The following PARD6G variants were observed in gnomAD, a reference collection of about 807,000 sequenced individuals.
The protein encoded by PARD6G is par-6 family cell polarity regulator gamma, also known as partitioning defective 6 homolog gamma.
In PARD6G, 7 loss-of-function variants were observed where a neutral mutation model predicts 10.7. That is an observed-to-expected ratio of 0.66 (90% CI 0.37 to 1.23). The LOEUF (loss-of-function observed/expected upper bound fraction) is 1.23, where lower values mean the gene tolerates loss of function less well. Among genes scored for constraint, PARD6G ranks in the 50% most tolerant of loss-of-function variants. The pLI is 0.02. For synonymous variants in PARD6G, 287 were observed against 269.4 expected, an observed-to-expected ratio of 1.07 and a Z score of -0.64; for missense variants, 548 against 571.8, an observed-to-expected ratio of 0.96 and a Z score of 0.42.
intron 1 of PARD6G, among the ~76,000 whole-genome samples, chr18:80,240,246 C>T (rs1307110635): frequency 1.3e-5 from 2 of 152,242 alleles, no homozygotes; most frequent in African/African-American, 4.8e-5. Flanking sequence ...ATCTCATGTC[C>T]TTATGACACT....
At position 80,181,379 on chromosome 18, in the gene PARD6G, G is replaced by C. The variant is rs1214829490; in HGVS notation, c.296-20773C>G. Among the ~76,000 whole-genome samples, 1 of 152,164 alleles carries C rather than the reference G, an allele frequency of 6.6e-6. No homozygotes were observed. Among genetic ancestry groups the C allele is most frequent in the Non-Finnish European group, 1.5e-5 (1 of 68,024 alleles). On this transcript the variant is annotated intron_variant, in intron 2 of 2. Transcript: ENST00000353265. This position sits in a 1 kb window ranked among gnomAD's most constrained non-coding sequence, Gnocchi z 7.9. ...CACGCCAAGGCAGGCATCACGCTCT[G>C]GGCACCGGGGGACCCTGCGTGCTTG...
At chr18:80,243,234 T>G (rs1022445135) in intron 1 of PARD6G, among the ~76,000 whole-genome samples, 4 of 152,190 alleles carry the variant, frequency 2.6e-5, no homozygotes, top group African/African-American at 9.7e-5. Context: ...TAGTCATGGT[T>G]TAGACATGAG....
At position 80,175,612 on chromosome 18, in the gene PARD6G, AC is replaced by A. The variant is rs1308472903; in HGVS notation, c.296-15007del. ...GGGTGACGTATCGATTCAGTGCACT[AC>A]GCACACTGTTCCGTAATTGTTCTCT... On this transcript the variant is annotated intron_variant, in intron 2 of 2. Coordinates refer to ENST00000353265, the MANE Select transcript of PARD6G (RefSeq NM_032510.4). This position sits in a 1 kb window ranked among gnomAD's most constrained non-coding sequence, Gnocchi z 6.7. 5.9e-5 allele frequency among the ~76,000 whole-genome samples: 9 copies of A among 152,238 alleles called. No homozygotes were observed. Among genetic ancestry groups the A allele is most frequent in the Admixed American group, 5.9e-4 (9 of 15,286 alleles).
chr18:80,172,495 G>A (rs2052784050), intron 2 of PARD6G, among the ~76,000 whole-genome samples: 1 of 151,564 alleles, frequency 6.6e-6, no homozygotes, highest in South Asian at 2.1e-4. Flanking sequence ...TTCTGAGGCT[G>A]AGTGCCTCAA....
At chr18:80,197,510 C>T (rs1027122806) in intron 2 of PARD6G, 21 of 152,316 alleles carry the variant, frequency 1.4e-4, no homozygotes, top group African/African-American at 5.1e-4. Context: ...ACGGGCAATA[C>T]TGATGTTAGC....
At chr18:80,186,642 G>A (rs1348925515) in intron 2 of PARD6G, among the ~76,000 whole-genome samples, 1 of 148,470 alleles carries the variant, frequency 6.7e-6, no homozygotes, top group Admixed American at 7.0e-5. Flanking sequence ...TGCTCTCGAT[G>A]GGATAACTGA....
At chr18:80,211,013 G>A (rs1309998574) in intron 1 of PARD6G, among the ~76,000 whole-genome samples, 2 of 151,332 alleles carry the variant, frequency 1.3e-5, no homozygotes, top group Non-Finnish European at 1.5e-5. Flanking sequence ...CAAACTAGTT[G>A]ATTGAGTTTC....
intron 1 of PARD6G, among the ~76,000 whole-genome samples, chr18:80,223,167 G>A (rs982946458): frequency 3.9e-5 from 6 of 151,932 alleles, no homozygotes; most frequent in Admixed American, 3.9e-4. Flanking sequence ...AAAACTATTA[G>A]ACAAATACAT....
rs1221567819 is a variant in PARD6G at position 80,181,857 on chromosome 18, C to A, written c.295+20853G>T. 1.3e-5 allele frequency among the ~76,000 whole-genome samples: 2 copies of A among 152,152 alleles called. No homozygotes were observed. The highest frequency in any genetic ancestry group is 4.8e-5 in the African/African-American group (2 of 41,434). ...CTCAGAGATCCACTGCCCAAGGCTG[C>A]CCGGTAGACCTGTCCCTGGGAGGGA... On this transcript the variant is annotated intron_variant, in intron 2 of 2. Coordinates refer to ENST00000353265, the MANE Select transcript of PARD6G (RefSeq NM_032510.4). The surrounding 1 kb of genome is among the most constrained non-coding windows in gnomAD (Gnocchi z 7.9).
At chr18:80,222,668 A>G (rs1967245342) in intron 1 of PARD6G, among the ~76,000 whole-genome samples, 1 of 151,942 alleles carries the variant, frequency 6.6e-6, no homozygotes, top group African/African-American at 2.4e-5. Flanking sequence ...ATTTGTCATC[A>G]ATTTATTTAT....
intron 1 of PARD6G, among the ~76,000 whole-genome samples, chr18:80,211,664 C>G (rs1568438418): frequency 6.6e-6 from 1 of 152,142 alleles, no homozygotes; most frequent in East Asian, 1.9e-4. Context: ...ACCTAAGTAT[C>G]CATCAATGGA....
At chr18:80,186,062 CCA>C (rs1409569230) in intron 2 of PARD6G, among the ~76,000 whole-genome samples, 3 of 126,258 alleles carry the variant, frequency 2.4e-5, no homozygotes, top group Admixed American at 8.4e-5. Flanking sequence ...ACGCATGCAC[CCA>C]CACAGGCACC....
rs1967003629 is a variant in PARD6G, at chr18:80,201,126, AG to A, written c.295+1583del. On this transcript the variant is annotated intron_variant, in intron 2 of 2. Coordinates refer to ENST00000353265, the MANE Select transcript of PARD6G (RefSeq NM_032510.4). This position sits in a 1 kb window ranked among gnomAD's most constrained non-coding sequence, Gnocchi z 5.9. ...GTCGGGTGGAGACAGACGGCAAACC[AG>A]CTCTGGGAGCAATGGACAGAGCCCA... Among the ~76,000 whole-genome samples, 1 of 152,120 alleles carries A rather than the reference AG, an allele frequency of 6.6e-6. No homozygotes were observed. Among genetic ancestry groups the A allele is most frequent in the Non-Finnish European group, 1.5e-5 (1 of 68,006 alleles).
rs535699852 is a variant in PARD6G, at chr18:80,222,073, A to C, written c.73-19141T>G. ...ACATTTCATGCTCATGGATTAGAAA[A>C]CTTAATTTTTTTCTTTTTTCTTTTT... On this transcript the variant is annotated intron_variant, in intron 1 of 2. Coordinates refer to ENST00000353265, the MANE Select transcript of PARD6G (RefSeq NM_032510.4). Among the ~76,000 whole-genome samples the C allele has an allele frequency of 3.9e-5, 6 of 152,134 alleles. No individual in the cohort carries two copies. In the East Asian group the frequency reaches 1.2e-3, roughly 29 times the overall value.
intron 1 of PARD6G, among the ~76,000 whole-genome samples, chr18:80,241,342 C>T (rs576255215): frequency 2.8e-4 from 43 of 152,304 alleles, no homozygotes; most frequent in African/African-American, 9.6e-4. Context: ...TTATGACCTT[C>T]GGCAGGTCAG....
At chr18:80,186,385 A>ATG (rs2052878473) in intron 2 of PARD6G, among the ~76,000 whole-genome samples, 8 of 135,648 alleles carry the variant, frequency 5.9e-5, no homozygotes, top group African/African-American at 2.2e-4. Context: ...ACATGCTCGC[A>ATG]CACCCTCACA....
intron 2 of PARD6G, among the ~76,000 whole-genome samples, chr18:80,167,449 C>T (rs1379719966): frequency 2.6e-5 from 4 of 152,138 alleles, no homozygotes; most frequent in Non-Finnish European, 4.4e-5. Flanking sequence ...CTCCTGGGGA[C>T]AGGGACACAG....
In PARD6G at chr18:80,159,863, G is replaced by A. The variant is rs1030325167; in HGVS notation, c.1039C>T (p.Arg347Trp). ...TCGGCCCGCAGGGAGCTGAGCAGCC[G>A]CTGGAGGCCGCCGTCCAGGGCCAGG... ...RDLALDGGLQ[R>W]LLSSLRADPR... The change falls in exon 3 of 3, where the codon CGG (arginine) becomes TGG (tryptophan). Residue 347 changes from arginine to tryptophan, a missense_variant. By Grantham distance (101) the Arg-to-Trp change is moderately radical (BLOSUM62 -3). Around this residue, in one of 2 missense-constraint regions of PARD6G, gnomAD observed 313 missense variants for 279.9 expected, o/e 1.12. Transcript: ENST00000353265. 6 of 1,509,660 alleles carry A rather than the reference G, an allele frequency of 4.0e-6. No individual in the cohort carries two copies. Among genetic ancestry groups the A allele is most frequent in the Non-Finnish European group, 5.3e-6 (6 of 1,134,618 alleles). 93.5% of individuals were successfully genotyped at this position (1,509,660 alleles called of 1,614,324 possible).
At chr18:80,242,278 T>A (rs1438416710) in intron 1 of PARD6G, among the ~76,000 whole-genome samples, 1 of 152,200 alleles carries the variant, frequency 6.6e-6, no homozygotes, top group Non-Finnish European at 1.5e-5. Flanking sequence ...CTTAAAAGGG[T>A]GTAGCTGACA....
Sources: gnomAD v4.1 joint callset for allele counts (sites outside exome capture counted in the v4.1 genomes callset) on GRCh38, gnomAD v4.1.1 for gene constraint, gnomAD v4.1.1 regional missense constraint, Gnocchi (gnomAD v3.1) non-coding constraint, MANE v1.5 for transcripts, NCBI Gene and HGNC (gene_info 2026-07-23, HGNC 2026-07-21) for gene names.